Variants in GTF2E2 observed in about 807,000 individuals in gnomAD.
GTF2E2 encodes the protein general transcription factor IIE subunit 2.
A neutral mutation model predicts 40.5 loss-of-function variants in GTF2E2; 21 were observed. The ratio of observed to expected loss-of-function variants is 0.52; its 90% CI spans 0.37 to 0.75. GTF2E2 has a LOEUF of 0.75. GTF2E2 is among the 30% of genes least tolerant of loss of function. GTF2E2 has a pLI of 0.00. For missense variants in GTF2E2, 298 were observed against 338.4 expected, an observed-to-expected ratio of 0.88 and a Z score of 0.94; for synonymous variants, 117 against 121.6, an observed-to-expected ratio of 0.96 and a Z score of 0.25.
intron 6 of GTF2E2, among the ~76,000 whole-genome samples, chr8:30,581,652 A>G (rs1828517483): frequency 6.6e-6 from 1 of 152,190 alleles, no homozygotes; most frequent in South Asian, 2.1e-4. Context: ...ATTTCCATAG[A>G]TACATTAGGG....
rs1828479353 is a variant in GTF2E2 at position 30,580,278 on chromosome 8, C to T, written c.759+3G>A. On this transcript the variant is annotated splice_donor_region_variant and intron_variant, in intron 7 of 7. Coordinates refer to ENST00000355904, the MANE Select transcript of GTF2E2 (RefSeq NM_002095.6). ...TTAAGCTGCTTTGCTAGAGATTACG[C>T]ACCACTTTCTTTGGTCCAGATTCCT... 5 of 1,507,678 alleles carry T rather than the reference C, an allele frequency of 3.3e-6. No homozygotes were observed. Among genetic ancestry groups the T allele is most frequent in the South Asian group, 2.2e-5 (2 of 88,922 alleles). 93.4% of individuals were successfully genotyped at this position (1,507,678 alleles called of 1,614,324 possible).
intron 3 of GTF2E2, among the ~76,000 whole-genome samples, chr8:30,632,365 T>C (rs1801462793): frequency 6.6e-6 from 1 of 152,220 alleles, no homozygotes; most frequent in Non-Finnish European, 1.5e-5. Context: ...TCTGGTAATC[T>C]ATTTATTTGA....
chr8:30,628,046 C>T lies in GTF2E2; in HGVS notation c.258+6986G>A, dbSNP rs1446428126. On this transcript the variant is annotated intron_variant, in intron 3 of 7. Coordinates refer to ENST00000355904, the MANE Select transcript of GTF2E2 (RefSeq NM_002095.6). The stretch of plus-strand genomic sequence containing the variant: ...AAGAAATCTTGTAATGCTGTTTGGG[C>T]TTGAAAGTGAGGAAGGATACCAGCA... Among the ~76,000 whole-genome samples the T allele has an allele frequency of 3.3e-5, 5 of 152,186 alleles. No individual in the cohort carries two copies. The East Asian group carries it at 9.6e-4, about 29-fold the overall frequency.
intron 5 of GTF2E2, among the ~76,000 whole-genome samples, chr8:30,610,104 C>G (rs979361917): frequency 2.2e-4 from 34 of 152,000 alleles, no homozygotes; most frequent in Admixed American, 2.2e-3. Context: ...TGAAAAAGAA[C>G]AAAATTGGTG....
chr8:30,650,330 G>C (rs1802229868), intron 2 of GTF2E2, among the ~76,000 whole-genome samples: 1 of 152,074 alleles, frequency 6.6e-6, no homozygotes, highest in Non-Finnish European at 1.5e-5. Context: ...AGACTAAAGA[G>C]TGAGAACATG....
chr8:30,598,642 T>C (rs1266401817), intron 6 of GTF2E2, among the ~76,000 whole-genome samples: 1 of 152,260 alleles, frequency 6.6e-6, no homozygotes, highest in Non-Finnish European at 1.5e-5. Context: ...TGACATCTAC[T>C]ATGTAAATCA....
chr8:30,642,809 T>G (rs547130255), intron 2 of GTF2E2, among the ~76,000 whole-genome samples: 10 of 152,362 alleles, frequency 6.6e-5, no homozygotes, highest in African/African-American at 9.6e-5. Flanking sequence ...AATAGCTCAT[T>G]AATGGATACA....
At chr8:30,629,040 A>C (rs1308596011) in intron 3 of GTF2E2, among the ~76,000 whole-genome samples, 2 of 152,212 alleles carry the variant, frequency 1.3e-5, no homozygotes, top group Admixed American at 1.3e-4. Flanking sequence ...TTCAAATATT[A>C]ACCACTCATA....
chr8:30,580,454 G>A (rs1828486524), intron 6 of GTF2E2, 58 bp from the exon 7 acceptor site: 3 of 964,000 alleles, frequency 3.1e-6, no homozygotes, highest in Non-Finnish European at 3.4e-6. Flanking sequence ...ATAGCATCTT[G>A]ATCAAAATCC....
chr8:30,630,906 T>G (rs1339023210), intron 3 of GTF2E2, among the ~76,000 whole-genome samples: 1 of 152,100 alleles, frequency 6.6e-6, no homozygotes, highest in Non-Finnish European at 1.5e-5. Context: ...CCATTCCCCC[T>G]ACACCCCCAC....
intron 6 of GTF2E2, among the ~76,000 whole-genome samples, chr8:30,600,865 C>CCT (rs1452284592): frequency 6.6e-6 from 1 of 152,120 alleles, no homozygotes; most frequent in Non-Finnish European, 1.5e-5. Flanking sequence ...CAGACAGAAC[C>CCT]CTCTGTGTGC....
At chr8:30,589,698 T>C (rs1429856068) in intron 6 of GTF2E2, among the ~76,000 whole-genome samples, 1 of 152,238 alleles carries the variant, frequency 6.6e-6, no homozygotes. Flanking sequence ...TCTGGACATC[T>C]GTAAAGAACA....
intron 3 of GTF2E2, among the ~76,000 whole-genome samples, 193 bp downstream of exon 3, chr8:30,634,839 A>G (rs911688868): frequency 6.6e-6 from 1 of 152,172 alleles, no homozygotes; most frequent in Non-Finnish European, 1.5e-5. Context: ...TGCTTTGGTA[A>G]CTCGCCACAA....
intron 3 of GTF2E2, among the ~76,000 whole-genome samples, chr8:30,617,260 C>A (rs1454797306): frequency 2.0e-5 from 3 of 152,156 alleles, no homozygotes; most frequent in Non-Finnish European, 4.4e-5. Context: ...ATAAGCTTAA[C>A]ACACCACACA....
chr8:30,602,742 G>A (rs1829217249), intron 6 of GTF2E2, among the ~76,000 whole-genome samples: 1 of 114,580 alleles, frequency 8.7e-6, no homozygotes, highest in African/African-American at 3.1e-5. Flanking sequence ...CAACAAGAGC[G>A]AAACTCCGTC....
chr8:30,637,909 C>T (rs1801665622), intron 2 of GTF2E2, among the ~76,000 whole-genome samples: 1 of 152,210 alleles, frequency 6.6e-6, no homozygotes, highest in Non-Finnish European at 1.5e-5. Context: ...TAAAAACCTT[C>T]ATTCTGTTGT....
intron 3 of GTF2E2, among the ~76,000 whole-genome samples, chr8:30,632,644 G>C (rs1801474404): frequency 2.6e-5 from 4 of 152,164 alleles, no homozygotes; most frequent in Admixed American, 2.6e-4. Flanking sequence ...CCTATGAAGG[G>C]AGGGAGGGGA....
chr8:30,626,219 G>A (rs560701284), intron 3 of GTF2E2, among the ~76,000 whole-genome samples: 2 of 152,322 alleles, frequency 1.3e-5, no homozygotes, highest in African/African-American at 4.8e-5. Flanking sequence ...GGGAGTAGTG[G>A]CTCACACCTG....
chr8:30,621,186 A>G (rs1469642043), intron 3 of GTF2E2, among the ~76,000 whole-genome samples: 1 of 152,116 alleles, frequency 6.6e-6, no homozygotes, highest in African/African-American at 2.4e-5. Flanking sequence ...AAAATTACCA[A>G]AAGGCCAACC....
Sources: allele counts gnomAD v4.1 joint callset (sites outside exome capture counted in the v4.1 genomes callset), GRCh38; gene constraint gnomAD v4.1.1; transcripts MANE v1.5; gene names NCBI Gene and HGNC (gene_info 2026-07-23, HGNC 2026-07-21).